KDM3A: variants seen among roughly 807,000 people sequenced by gnomAD.
The protein encoded by KDM3A is lysine demethylase 3A.
In KDM3A, 60 loss-of-function variants were observed where a neutral mutation model predicts 158.0. The ratio of observed to expected loss-of-function variants is 0.38; its 90% CI spans 0.31 to 0.47. The LOEUF (loss-of-function observed/expected upper bound fraction) is 0.47, where lower values mean the gene tolerates loss of function less well. Ranked by LOEUF, KDM3A falls within the 20% of genes least tolerant of loss-of-function variation. The probability of loss-of-function intolerance (pLI) is 0.99; values close to 1 mark genes in which losing one functional copy is unlikely to be tolerated. For missense variants in KDM3A, 1,319 were observed against 1,574.3 expected (o/e 0.84, Z 2.74); for synonymous variants, 608 against 549.3 (o/e 1.11, Z -1.49).
At chr2:86,481,135 C>G (rs1673907364) in intron 16 of KDM3A, among the ~76,000 whole-genome samples, 1 of 152,180 alleles carries the variant, frequency 6.6e-6, no homozygotes, top group African/African-American at 2.4e-5. Flanking sequence ...AATTCAGTAC[C>G]TGTTAATGAT....
chr2:86,452,468 C>T (rs1267550967), intron 4 of KDM3A, among the ~76,000 whole-genome samples: 2 of 152,082 alleles, frequency 1.3e-5, no homozygotes, highest in Admixed American at 1.3e-4. Context: ...TGTATTTCCC[C>T]TAGGAGCAAT....
chr2:86,437,201 C>T (rs545183337), upstream of KDM3A, among the ~76,000 whole-genome samples: 7 of 151,774 alleles, frequency 4.6e-5, no homozygotes, highest in Non-Finnish European at 7.4e-5. Flanking sequence ...AGTGCAGTGG[C>T]GTGATCTCAG....
At chr2:86,475,031 TTGA>T (rs1558623596) in intron 12 of KDM3A, 41 bp downstream of exon 12, 4 of 1,514,530 alleles carry the variant, frequency 2.6e-6, no homozygotes, top group Non-Finnish European at 3.6e-6. Flanking sequence ...CGAGCCCAAT[TTGA>T]TTTTTGTTCC....
chr2:86,482,241 AGGATGG>A, intron 17 of KDM3A, 139 bp downstream of exon 17: 1 of 1,183,514 alleles, frequency 8.4e-7, no homozygotes, highest in Non-Finnish European at 1.2e-6. Context: ...GAGTCACTGG[AGGATGG>A]GTTTTATGGG....
intron 4 of KDM3A, among the ~76,000 whole-genome samples, chr2:86,451,454 A>G (rs1317246734): frequency 6.6e-6 from 1 of 152,252 alleles, no homozygotes; most frequent in African/African-American, 2.4e-5. Flanking sequence ...TATGTACTGT[A>G]TTCTTACAAT....
intron 8 of KDM3A, among the ~76,000 whole-genome samples, chr2:86,457,480 C>A (rs996292932): frequency 2.6e-5 from 4 of 152,152 alleles, no homozygotes; most frequent in Admixed American, 2.0e-4. Context: ...GTCTGCTCTT[C>A]TTTGCTAGTT....
Position 86,484,059 on chromosome 2 carries a change from T to C in KDM3A, c.2995T>C (p.Phe999Leu). ...GAAACCTGAATCCTTCAGGAAAGAG[T>C]TTGGTGAGCAGGAAGTAGACCTAGT... ...LWKPESFRKE[F>L]GEQEVDLVNC... The change falls in exon 19 of 26, where the codon TTT becomes CTT. Residue 999 changes from phenylalanine to leucine, a missense_variant. Physicochemically the swap from Phe to Leu is conservative, Grantham distance 22. Coordinates refer to ENST00000312912, the MANE Select transcript of KDM3A (RefSeq NM_018433.6). The C allele has an allele frequency of 6.2e-7, 1 of 1,613,740 alleles. No individual in the cohort carries two copies. The highest frequency in any genetic ancestry group is 8.5e-7 in the Non-Finnish European group (1 of 1,179,868).
In KDM3A at chr2:86,478,739, T is replaced by C. The variant is rs200954204; in HGVS notation, c.2316+4T>C. 22 of 1,611,990 alleles carry C rather than the reference T, an allele frequency of 1.4e-5. No individual in the cohort carries two copies. Among genetic ancestry groups the C allele is most frequent in the Non-Finnish European group, 1.8e-5 (21 of 1,179,042 alleles). ...CTCAAAGGAAGACCTAAAACAGGTA[T>C]TTACTGCTTATGTTAAATTCAACAT... On this transcript the variant is annotated splice_donor_region_variant and intron_variant, in intron 15 of 25. Transcript: ENST00000312912.
At chr2:86,443,847 C>T (rs183916896) in intron 2 of KDM3A, among the ~76,000 whole-genome samples, 51 of 152,240 alleles carry the variant, frequency 3.3e-4, no homozygotes, top group African/African-American at 1.2e-3. Context: ...TTGCTTTGGG[C>T]TTATAACCTT....
intron 16 of KDM3A, 61 bp from the exon 17 acceptor site, chr2:86,481,869 A>T: frequency 7.7e-7 from 1 of 1,297,710 alleles, no homozygotes; most frequent in Non-Finnish European, 1.1e-6. Flanking sequence ...CTAGTAGAAT[A>T]CTAATAAGGG....
In KDM3A at chr2:86,482,595, T is replaced by G. The variant is rs773381925; in HGVS notation, c.2823T>G (p.Thr941=). 4 of 1,613,958 alleles carry G rather than the reference T, an allele frequency of 2.5e-6. No homozygotes were observed. The highest frequency in any genetic ancestry group is 3.4e-6 in the Non-Finnish European group (4 of 1,179,856). ...TIKPSILGFD[T]PHYWLCDNRL... The stretch of plus-strand genomic sequence containing the variant: ...AGCCCAGCATTCTGGGCTTTGACAC[T>G]CCTCACTATTGGCTTTGTGATAATC... Residue 941 remains threonine, a synonymous_variant, in exon 18 of 26, where the codon ACT becomes ACG. Transcript: ENST00000312912.
chr2:86,470,186 A>G lies in KDM3A; in HGVS notation c.1520-18A>G. The G allele has an allele frequency of 6.2e-7, 1 of 1,611,456 alleles. No individual in the cohort carries two copies. Among genetic ancestry groups the G allele is most frequent in the Non-Finnish European group, 8.5e-7 (1 of 1,178,126 alleles). On this transcript the variant is annotated intron_variant, in intron 10 of 25. Coordinates refer to ENST00000312912, the MANE Select transcript of KDM3A (RefSeq NM_018433.6). Reference sequence around the variant, plus strand: ...TAAAAATTTGAGGTCCTGTCTCCTTAATCTTTTGTTTTCCTAGCCCCATCC... The same window carrying G: ...TAAAAATTTGAGGTCCTGTCTCCTTGATCTTTTGTTTTCCTAGCCCCATCC...
Position 86,480,289 on chromosome 2 carries a change from C to T in KDM3A, c.2439C>T (p.Ala813=), listed in dbSNP as rs1673858757. 1.2e-6 allele frequency: 2 copies of T among 1,614,146 alleles called. No individual in the cohort carries two copies. Among genetic ancestry groups the T allele is most frequent in the East Asian group, 4.5e-5 (2 of 44,872 alleles). Residue 813 remains alanine, a synonymous_variant, in exon 16 of 26, where the codon GCC becomes GCT. Coordinates refer to ENST00000312912, the MANE Select transcript of KDM3A (RefSeq NM_018433.6). ...AGCCAGCCGGCAGCATGAAGCCTGCCTGTCCAGCCAGCACATCTCCTCTAA... is the reference window on the plus strand; with the variant it reads ...AGCCAGCCGGCAGCATGAAGCCTGCTTGTCCAGCCAGCACATCTCCTCTAA... ...ASKPAGSMKP[A]CPASTSPLNW...
chr2:86,437,340 C>T (rs934925687), upstream of KDM3A, among the ~76,000 whole-genome samples: 24 of 152,038 alleles, frequency 1.6e-4, no homozygotes, highest in Admixed American at 1.3e-3. Flanking sequence ...TGAGGTCTCA[C>T]CATGTTGGCC....
At chr2:86,472,730 A>G (rs937064064) in intron 11 of KDM3A, among the ~76,000 whole-genome samples, 1 of 152,166 alleles carries the variant, frequency 6.6e-6, no homozygotes, top group African/African-American at 2.4e-5. Flanking sequence ...ATAGCTGCCC[A>G]CTGCCTAGCA....
intron 8 of KDM3A, among the ~76,000 whole-genome samples, chr2:86,463,416 C>A (rs12995989): frequency 2.8e-4 from 2 of 7,144 alleles, no homozygotes; most frequent in African/African-American, 5.6e-3. Context: ...TTCAATACTT[C>A]CTTTTTTTGA....
chr2:86,460,074 A>G (rs1233206400), intron 8 of KDM3A, among the ~76,000 whole-genome samples: 1 of 152,166 alleles, frequency 6.6e-6, no homozygotes, highest in Non-Finnish European at 1.5e-5. Flanking sequence ...TGGTTAACCT[A>G]GAAAAGTATA....
intron 23 of KDM3A, 77 bp downstream of exon 23, chr2:86,489,736 G>C (rs1674363063): frequency 6.8e-7 from 1 of 1,475,100 alleles, no homozygotes; most frequent in Admixed American, 2.2e-5. Context: ...TGAACTGACT[G>C]GCTTGGCTAG....
chr2:86,438,010 C>A (rs1682517752), upstream of KDM3A, among the ~76,000 whole-genome samples: 1 of 152,018 alleles, frequency 6.6e-6, no homozygotes, highest in African/African-American at 2.4e-5. Context: ...TCTATTGTAA[C>A]TTGAATAGTA....
Sources: gnomAD v4.1 joint callset for allele counts (sites outside exome capture counted in the v4.1 genomes callset) on GRCh38, gnomAD v4.1.1 for gene constraint, MANE v1.5 for transcripts, NCBI Gene and HGNC (gene_info 2026-07-23, HGNC 2026-07-21) for gene names.